Variants in GNS observed in about 807,000 individuals in gnomAD.
The protein encoded by GNS is N-acetylglucosamine-6-sulfatase.
GNS carries 40 observed loss-of-function variants against 69.7 expected under a neutral mutation model. The observed-to-expected ratio is 0.57, with a 90% CI of 0.45 to 0.75. GNS has a LOEUF of 0.75. GNS is among the 30% of genes least tolerant of loss of function. The pLI, the probability that GNS is intolerant of heterozygous loss-of-function variation, is 0.00. For missense variants in GNS, 565 were observed against 685.5 expected (o/e 0.82, Z 1.96); for synonymous variants, 243 against 251.6 (o/e 0.97, Z 0.32).
At chr12:64,739,072 G>A (rs533955461) in intron 8 of GNS, among the ~76,000 whole-genome samples, 48 of 152,172 alleles carry the variant, frequency 3.2e-4, no homozygotes, top group African/African-American at 1.1e-3. Context: ...GTTTTCCCAA[G>A]ACAACCTCCT....
chr12:64,728,788 C>A (rs1305279966), intron 10 of GNS, among the ~76,000 whole-genome samples, 168 bp downstream of exon 10: 1 of 152,102 alleles, frequency 6.6e-6, no homozygotes, highest in South Asian at 2.1e-4. Flanking sequence ...AAACAACTCT[C>A]GATTTCACAT....
At chr12:64,749,808 T>A (rs1379819092) in intron 2 of GNS, among the ~76,000 whole-genome samples, 1 of 152,174 alleles carries the variant, frequency 6.6e-6, no homozygotes, top group African/African-American at 2.4e-5. Context: ...CTTTTTGTTT[T>A]CTGATCAATT....
intron 2 of GNS, among the ~76,000 whole-genome samples, chr12:64,751,920 C>CGAG (rs1870088901): frequency 7.3e-6 from 1 of 136,984 alleles, no homozygotes; most frequent in Non-Finnish European, 1.5e-5. Context: ...CCCCAGAGGC[C>CGAG]GAGGTTGCAG....
chr12:64,721,717 T>G lies in GNS; in HGVS notation c.1309-12A>C. On this transcript the variant is annotated splice_polypyrimidine_tract_variant and intron_variant, in intron 11 of 13. Coordinates refer to ENST00000258145, the MANE Select transcript of GNS (RefSeq NM_002076.4). The stretch of plus-strand genomic sequence containing the variant: ...TCTGGGAAGCATTGCTGTAGGGATA[T>G]TTCAAAAGTTAAATGAAGACAGTTC... 7.8e-7 allele frequency: 1 copy of G among 1,286,670 alleles called. No homozygotes were observed. The highest frequency in any genetic ancestry group is 1.5e-5 in the African/African-American group (1 of 68,890). The allele number at this position is 1,286,670 out of a possible 1,614,324, so 79.7% of individuals were successfully genotyped here.
intron 4 of GNS, among the ~76,000 whole-genome samples, chr12:64,745,204 CTTTTTTTTTT>C (rs141453545): frequency 0.024 from 1,010 of 42,388 alleles, 13 homozygotes; most frequent in Middle Eastern, 0.24. Flanking sequence ...AGTCAATAGA[CTTTTTTTTTT>C]TTTTTTTTTT....
In GNS at chr12:64,728,238, G is replaced by A. The variant is rs753243662; in HGVS notation, c.1200+718C>T. Among the ~76,000 whole-genome samples the A allele has an allele frequency of 2.0e-4, 31 of 152,158 alleles. 1 individual carries two copies. The highest frequency in any genetic ancestry group is 2.6e-4 in the Admixed American group (4 of 15,270). On this transcript the variant is annotated intron_variant, in intron 10 of 13. Transcript: ENST00000258145. Reference sequence around the variant, plus strand: ...ACCGCGCCTGGCCGACACTTTAAATGAGTGAATTGTATGGTATGGGAATTA... The same window carrying A: ...ACCGCGCCTGGCCGACACTTTAAATAAGTGAATTGTATGGTATGGGAATTA...
In GNS at chr12:64,723,047, C is replaced by T. The variant is rs748498913; in HGVS notation, c.1267G>A (p.Val423Ile). Residue 423 changes from valine to isoleucine, a missense_variant, in exon 11 of 14, where the codon GTC (valine) becomes ATC (isoleucine). Coordinates refer to ENST00000258145, the MANE Select transcript of GNS (RefSeq NM_002076.4). ...AGGGAAGGGCATGTTGGGTCAGTGA[C>T]GTTACGGCCTTCTCCTTGGTATTCC... ...LVEYQGEGRN[V>I]TDPTCPSLSP... 22 of 1,612,480 alleles carry T rather than the reference C, an allele frequency of 1.4e-5. No homozygotes were observed. Among genetic ancestry groups the T allele is most frequent in the Middle Eastern group, 3.3e-4 (2 of 6,080 alleles).
At chr12:64,719,168 G>A (rs1868949132) in intron 13 of GNS, among the ~76,000 whole-genome samples, 4 of 152,150 alleles carry the variant, frequency 2.6e-5, no homozygotes, top group Admixed American at 2.0e-4. Flanking sequence ...CTATCATCGA[G>A]TTTTTCTACT....
chr12:64,719,189 C>G (rs577149584), intron 13 of GNS, among the ~76,000 whole-genome samples: 1 of 152,164 alleles, frequency 6.6e-6, no homozygotes, highest in South Asian at 2.1e-4. Context: ...CATTCACATT[C>G]ATTTGTCTCT....
intron 9 of GNS, among the ~76,000 whole-genome samples, chr12:64,730,419 T>A (rs569518198): frequency 2.7e-5 from 1 of 37,124 alleles, no homozygotes; most frequent in African/African-American, 1.2e-4. Flanking sequence ...AAACCAAAAG[T>A]ACAGATATGA....
chr12:64,732,624 C>T (rs1196605998), intron 9 of GNS, among the ~76,000 whole-genome samples: 1 of 150,050 alleles, frequency 6.7e-6, no homozygotes, highest in Non-Finnish European at 1.5e-5. Flanking sequence ...CCACACCTGG[C>T]TAATTTTTTG....
intron 1 of GNS, among the ~76,000 whole-genome samples, 177 bp downstream of exon 1, chr12:64,758,908 G>A (rs1025789881): frequency 3.3e-5 from 5 of 152,200 alleles, no homozygotes; most frequent in Non-Finnish European, 5.9e-5. Flanking sequence ...ATCCAGAAAG[G>A]AAAAGAGTAT....
chr12:64,749,736 C>T (rs1450854958), intron 2 of GNS, among the ~76,000 whole-genome samples: 1 of 152,128 alleles, frequency 6.6e-6, no homozygotes, highest in Non-Finnish European at 1.5e-5. Flanking sequence ...CCCATTTTTA[C>T]TTTTGCCTTT....
In GNS at chr12:64,743,170, T is replaced by C. The variant is rs754806632; in HGVS notation, c.763A>G (p.Arg255Gly). Residue 255 changes from arginine (R) to glycine (G), a missense_variant, in exon 6 of 14, where the codon AGA (arginine) becomes GGA (glycine). Transcript: ENST00000258145. Reference protein sequence around the residue: ...QKAFQNVFAPRNKNFNIHGTN... With the variant: ...QKAFQNVFAPGNKNFNIHGTN... ...CCATGGATGTTGAAGTTCTTGTTTC[T>C]TGGTGCAAAGACATTCTGGAAAGCC... 2.5e-6 allele frequency: 4 copies of C among 1,613,774 alleles called. No individual in the cohort carries two copies. The highest frequency in any genetic ancestry group is 3.4e-6 in the Non-Finnish European group (4 of 1,179,680).
chr12:64,731,338 A>G (rs1310193025), intron 9 of GNS, among the ~76,000 whole-genome samples: 1 of 152,182 alleles, frequency 6.6e-6, no homozygotes, highest in Non-Finnish European at 1.5e-5. Context: ...TGGCCTCCCA[A>G]AGTGCTGGGA....
At position 64,739,526 on chromosome 12, in the gene GNS, G is replaced by C. The variant is rs758126663; in HGVS notation, c.876-27C>G. The C allele has an allele frequency of 2.9e-6, 3 of 1,051,074 alleles. No individual in the cohort carries two copies. The South Asian group carries it at 3.8e-5, about 13-fold the overall frequency. The allele number at this position is 1,051,074 out of a possible 1,614,324, so 65.1% of individuals were successfully genotyped here. A position where few individuals can be genotyped will look rare whatever the true frequency, so the allele number is the denominator to read the frequency against. Reference sequence around the variant, plus strand: ...TGGATGTGAACAGAAGGTAGAAATGGGACTTCAGGGGCAATGGCTGAGGTA... The same window carrying C: ...TGGATGTGAACAGAAGGTAGAAATGCGACTTCAGGGGCAATGGCTGAGGTA... On this transcript the variant is annotated intron_variant, in intron 7 of 13. Transcript: ENST00000258145.
At chr12:64,736,328 G>A (rs1869554557) in intron 9 of GNS, among the ~76,000 whole-genome samples, 1 of 152,200 alleles carries the variant, frequency 6.6e-6, no homozygotes. Flanking sequence ...AGAGAACCAG[G>A]AAAGCAACAA....
At chr12:64,717,749 G>A (rs1868911989) in intron 13 of GNS, among the ~76,000 whole-genome samples, 1 of 152,110 alleles carries the variant, frequency 6.6e-6, no homozygotes, top group African/African-American at 2.4e-5. Context: ...AAAAGTTAGG[G>A]CCACAGTGCA....
At chr12:64,744,095 T>G (rs947242650) in intron 5 of GNS, among the ~76,000 whole-genome samples, 1 of 152,246 alleles carries the variant, frequency 6.6e-6, no homozygotes, top group African/African-American at 2.4e-5. Context: ...CCCCCTGATC[T>G]GCACAGCTCA....
Sources: gnomAD v4.1 joint callset for allele counts (sites outside exome capture counted in the v4.1 genomes callset) on GRCh38, gnomAD v4.1.1 for gene constraint, MANE v1.5 for transcripts, NCBI Gene and HGNC (gene_info 2026-07-23, HGNC 2026-07-21) for gene names.